INPP5A: variants seen among roughly 807,000 people sequenced by gnomAD.
INPP5A encodes 43 kDa inositol polyphosphate 5-phophatase.
A neutral mutation model predicts 65.2 loss-of-function variants in INPP5A; 14 were observed. That is an observed-to-expected ratio of 0.21 (90% CI 0.14 to 0.34). The LOEUF is 0.34. Ranked by LOEUF, INPP5A falls within the 10% of genes least tolerant of loss-of-function variation. INPP5A has a pLI of 1.00. For missense variants in INPP5A, 431 were observed against 545.6 expected (o/e 0.79, Z 2.09); for synonymous variants, 207 against 208.3 (o/e 0.99, Z 0.05).
chr10:132,699,694 G>A (rs577015910), intron 6 of INPP5A, among the ~76,000 whole-genome samples: 3 of 152,136 alleles, frequency 2.0e-5, no homozygotes, highest in African/African-American at 4.8e-5. Context: ...AAGCTCGGGG[G>A]CAGCGGGCCC....
At chr10:132,750,211 A>G (rs537818689) in intron 11 of INPP5A, among the ~76,000 whole-genome samples, 1 of 152,372 alleles carries the variant, frequency 6.6e-6, no homozygotes, top group African/African-American at 2.4e-5. Flanking sequence ...GGGAGACTGA[A>G]GGGAGCAGGT....
At chr10:132,742,260 T>C (rs1846288239) in intron 9 of INPP5A, among the ~76,000 whole-genome samples, 1 of 152,220 alleles carries the variant, frequency 6.6e-6, no homozygotes, top group Non-Finnish European at 1.5e-5. Flanking sequence ...GAACACACTC[T>C]GTGTTCCCCT....
rs534984858 is a variant in INPP5A, at chr10:132,588,228, T to C, written c.76-19687T>C. Among the ~76,000 whole-genome samples the C allele has an allele frequency of 1.1e-3, 163 of 152,336 alleles. 1 individual carries two copies. The highest frequency in any genetic ancestry group is 3.8e-3 in the African/African-American group (157 of 41,582). On this transcript the variant is annotated intron_variant, in intron 1 of 15. Transcript: ENST00000368594. ...CTGAATTATCTCTCATCAGAAGGTA[T>C]CTGTTCCTCTGTGTCCCCGTTTTCT...
chr10:132,663,396 CTG>C lies in INPP5A; in HGVS notation c.306+12893_306+12894del, dbSNP rs764060313. Among the ~76,000 whole-genome samples the C allele has an allele frequency of 1.2e-4, 18 of 152,034 alleles. No homozygotes were observed. The highest frequency in any genetic ancestry group is 1.8e-4 in the Non-Finnish European group (12 of 67,964). On this transcript the variant is annotated intron_variant, in intron 4 of 15. Transcript: ENST00000368594. The surrounding 1 kb of genome is among the most constrained non-coding windows in gnomAD (Gnocchi z 4.5). ...ATCACCACGCCTGGCTAAAAAAAAA[CTG>C]TTTATAGAGACTGGGTGTCACCGTG...
chr10:132,548,792 CTTTTTTTTTTTTTT>C (rs71013535), intron 1 of INPP5A, among the ~76,000 whole-genome samples: 1 of 79,270 alleles, frequency 1.3e-5, no homozygotes, highest in Non-Finnish European at 2.4e-5. Context: ...GTTTATCTGG[CTTTTTTTTTTTTTT>C]TTTTTTTTTT....
At chr10:132,754,511 C>T (rs1003902307) in intron 11 of INPP5A, among the ~76,000 whole-genome samples, 5 of 152,246 alleles carry the variant, frequency 3.3e-5, no homozygotes, top group Non-Finnish European at 7.3e-5. Context: ...AGAGGACAGC[C>T]TGGGGCCCTC....
chr10:132,623,809 G>A (rs1234657811), intron 2 of INPP5A, among the ~76,000 whole-genome samples: 1 of 152,110 alleles, frequency 6.6e-6, no homozygotes, highest in Non-Finnish European at 1.5e-5. Flanking sequence ...TAATAAGAAA[G>A]CAAAGAACCC....
At chr10:132,567,988 C>G (rs547354746) in intron 1 of INPP5A, among the ~76,000 whole-genome samples, 1 of 151,978 alleles carries the variant, frequency 6.6e-6, no homozygotes, top group African/African-American at 2.4e-5. Context: ...GTCAAGAGAT[C>G]AAGACCATCC....
At chr10:132,752,787 T>C (rs1182521108) in intron 11 of INPP5A, among the ~76,000 whole-genome samples, 2 of 152,092 alleles carry the variant, frequency 1.3e-5, no homozygotes, top group African/African-American at 4.8e-5. Flanking sequence ...GTCCTCCTTT[T>C]CTCTCAGCAT....
intron 4 of INPP5A, among the ~76,000 whole-genome samples, chr10:132,662,066 A>G (rs2072743492): frequency 6.6e-6 from 1 of 152,228 alleles, no homozygotes; most frequent in Non-Finnish European, 1.5e-5. Context: ...AGCTTCCACA[A>G]GATCACACAG....
intron 1 of INPP5A, among the ~76,000 whole-genome samples, chr10:132,562,082 G>A (rs942217838): frequency 2.6e-5 from 4 of 152,384 alleles, no homozygotes; most frequent in Non-Finnish European, 4.4e-5. Flanking sequence ...AGGAAGGGCC[G>A]AAGAGCCAGG....
In INPP5A at chr10:132,645,343, C is replaced by T. The variant is rs139479190; in HGVS notation, c.118-525C>T. ...GTCCTCCCAGGCTGTGAGCAGGCGG[C>T]GGAGTGCCTGGCTCCTACACACGTG... On this transcript the variant is annotated intron_variant, in intron 2 of 15. Coordinates refer to ENST00000368594, the MANE Select transcript of INPP5A (RefSeq NM_005539.5). 5.5e-3 allele frequency among the ~76,000 whole-genome samples: 833 copies of T among 152,204 alleles called. 7 individuals carry two copies. Among genetic ancestry groups the T allele is most frequent in the Middle Eastern group, 0.02 (6 of 294 alleles).
chr10:132,682,684 C>T (rs935930996), intron 4 of INPP5A, among the ~76,000 whole-genome samples: 11 of 152,254 alleles, frequency 7.2e-5, no homozygotes, highest in African/African-American at 2.2e-4. Context: ...TACATATGCA[C>T]GCATGTTTAA....
intron 1 of INPP5A, among the ~76,000 whole-genome samples, chr10:132,541,136 G>T (rs1383563602): frequency 6.6e-6 from 1 of 152,076 alleles, no homozygotes; most frequent in Non-Finnish European, 1.5e-5. Context: ...ACAGGCACAT[G>T]CCACCATGCC....
At chr10:132,764,333 G>T (rs150991017) in intron 11 of INPP5A, among the ~76,000 whole-genome samples, 74 of 152,384 alleles carry the variant, frequency 4.9e-4, no homozygotes, top group African/African-American at 1.4e-3. Flanking sequence ...CACCAGAGAG[G>T]GTGTGCATGG....
chr10:132,734,940 G>A (rs1230460303), intron 9 of INPP5A, among the ~76,000 whole-genome samples: 1 of 152,216 alleles, frequency 6.6e-6, no homozygotes, highest in African/African-American at 2.4e-5. Context: ...CCTTCCTCTT[G>A]GCAGAGCAGC....
chr10:132,550,525 C>T lies in INPP5A; in HGVS notation c.75+12354C>T, dbSNP rs1041323289. Among the ~76,000 whole-genome samples the T allele has an allele frequency of 2.6e-5, 4 of 152,224 alleles. No homozygotes were observed. The highest frequency in any genetic ancestry group is 1.3e-4 in the Admixed American group (2 of 15,292). On this transcript the variant is annotated intron_variant, in intron 1 of 15. Coordinates refer to ENST00000368594, the MANE Select transcript of INPP5A (RefSeq NM_005539.5). This position sits in a 1 kb window ranked among gnomAD's most constrained non-coding sequence, Gnocchi z 4.2. ...AGCGACACCCTTGGGCTGAGCTTTT[C>T]CGTGAACCGGCAGCTGTGTCCCTTG...
rs1247453726 is a variant in INPP5A, at chr10:132,697,957, T to C, written c.474+38T>C. On this transcript the variant is annotated intron_variant, in intron 6 of 15. Coordinates refer to ENST00000368594, the MANE Select transcript of INPP5A (RefSeq NM_005539.5). This position sits in a 1 kb window ranked among gnomAD's most constrained non-coding sequence, Gnocchi z 5.6. Reference sequence around the variant, plus strand: ...GCTTTCTCACTGACGTGTTTACTTCTCAGAGTGAGCCAGTCAGAAGTGACA... The same window carrying C: ...GCTTTCTCACTGACGTGTTTACTTCCCAGAGTGAGCCAGTCAGAAGTGACA... 7.3e-7 allele frequency: 1 copy of C among 1,362,104 alleles called. No individual in the cohort carries two copies. The highest frequency in any genetic ancestry group is 1.0e-6 in the Non-Finnish European group (1 of 955,230). The allele number at this position is 1,362,104 out of a possible 1,614,324, so 84.4% of individuals were successfully genotyped here. A position where few individuals can be genotyped will look rare whatever the true frequency, so the allele number is the denominator to read the frequency against.
At chr10:132,594,483 G>A (rs2819709) in intron 1 of INPP5A, among the ~76,000 whole-genome samples, 2 of 152,010 alleles carry the variant, frequency 1.3e-5, no homozygotes, top group African/African-American at 2.4e-5. Flanking sequence ...GTGCCCACAC[G>A]CATAGGCATG....
Sources: gnomAD v4.1 joint callset for allele counts (sites outside exome capture counted in the v4.1 genomes callset) on GRCh38, gnomAD v4.1.1 for gene constraint, Gnocchi (gnomAD v3.1) non-coding constraint, MANE v1.5 for transcripts, NCBI Gene and HGNC (gene_info 2026-07-23, HGNC 2026-07-21) for gene names.